Variants in SEMA5A observed in about 807,000 individuals in gnomAD.
The protein encoded by SEMA5A is semaphorin-5A.
SEMA5A carries 55 observed loss-of-function variants against 135.5 expected under a neutral mutation model. That is an observed-to-expected ratio of 0.41 (90% CI 0.33 to 0.51). The LOEUF (loss-of-function observed/expected upper bound fraction) is 0.51. SEMA5A is among the 20% of genes least tolerant of loss of function. The probability of loss-of-function intolerance (pLI) is 0.37; values close to 1 mark genes in which losing one functional copy is unlikely to be tolerated. For missense variants in SEMA5A, 1,290 were observed against 1,419.9 expected (o/e 0.91, Z 1.47); for synonymous variants, 580 against 546.5 (o/e 1.06, Z -0.85).
intron 16 of SEMA5A, among the ~76,000 whole-genome samples, chr5:9,091,126 C>G (rs1325746152): frequency 6.6e-6 from 1 of 152,202 alleles, no homozygotes; most frequent in Non-Finnish European, 1.5e-5. Flanking sequence ...TCAGAGGCCT[C>G]TGCTACACAA....
intron 2 of SEMA5A, among the ~76,000 whole-genome samples, chr5:9,390,584 C>T (rs1209873437): frequency 1.3e-5 from 2 of 152,030 alleles, no homozygotes; most frequent in Non-Finnish European, 2.9e-5. Context: ...TCAGGAATAA[C>T]ACGGTGTATA....
At chr5:9,229,248 G>A (rs1042817992) in intron 6 of SEMA5A, among the ~76,000 whole-genome samples, 1 of 152,208 alleles carries the variant, frequency 6.6e-6, no homozygotes, top group Non-Finnish European at 1.5e-5. Flanking sequence ...ATTACCAAAT[G>A]CTCGTAAACA....
Position 9,154,625 on chromosome 5 carries a change from A to G in SEMA5A, c.1344T>C (p.Ile448=), listed in dbSNP as rs200164050. The G allele has an allele frequency of 2.4e-5, 38 of 1,614,092 alleles. No homozygotes were observed. The East Asian group carries it at 6.7e-4, about 28-fold the overall frequency. ...CCCTCCGCCTCTCAGGGAAGAGCTC[A>G]ATCTCTTCCAGCAAACAGCTGCTTG... ...QTSSSCLLEE[I]ELFPERRREP... The change falls in exon 12 of 23, where the codon ATT becomes ATC. Residue 448 remains isoleucine, a synonymous_variant. Transcript: ENST00000382496.
intron 16 of SEMA5A, among the ~76,000 whole-genome samples, chr5:9,084,147 C>A (rs187321041): frequency 6.6e-6 from 1 of 152,100 alleles, no homozygotes; most frequent in African/African-American, 2.4e-5. Flanking sequence ...TAGTTGGATG[C>A]AAATGTTATT....
chr5:9,346,912 G>GTATATATATATATATA (rs774727307), intron 3 of SEMA5A, among the ~76,000 whole-genome samples: 11 of 150,086 alleles, frequency 7.3e-5, no homozygotes, highest in African/African-American at 2.5e-4. Flanking sequence ...GTGTGTGTGT[G>GTATATATATATATATA]TGTATATATA....
At chr5:9,456,052 C>T (rs1230904636) in intron 1 of SEMA5A, among the ~76,000 whole-genome samples, 6 of 152,168 alleles carry the variant, frequency 3.9e-5, no homozygotes, top group African/African-American at 9.7e-5. Context: ...CAAGTCTCTG[C>T]CAAAGACAGA....
In SEMA5A at chr5:9,226,979, T is replaced by A. The variant is rs756124150; in HGVS notation, c.334-12A>T. ...TTCTGACATTCCTCCTGAGGGAAAA[T>A]AAATAAATTAATTAAAAATATATAT... is the stretch of plus-strand genomic sequence containing the variant. On this transcript the variant is annotated splice_polypyrimidine_tract_variant and intron_variant, in intron 6 of 22. Coordinates refer to ENST00000382496, the MANE Select transcript of SEMA5A (RefSeq NM_003966.3). 4 of 1,394,288 alleles carry A rather than the reference T, an allele frequency of 2.9e-6. No homozygotes were observed. Among genetic ancestry groups the A allele is most frequent in the Non-Finnish European group, 3.8e-6 (4 of 1,048,984 alleles). 86.4% of individuals were successfully genotyped at this position (1,394,288 alleles called of 1,614,324 possible).
intron 8 of SEMA5A, among the ~76,000 whole-genome samples, chr5:9,210,167 C>T (rs929587840): frequency 1.3e-5 from 2 of 152,168 alleles, no homozygotes; most frequent in Non-Finnish European, 2.9e-5. Flanking sequence ...AAGATTTACT[C>T]ATCCCTTTTC....
At chr5:9,173,744 C>CT (rs2150312361) in intron 11 of SEMA5A, among the ~76,000 whole-genome samples, 1 of 152,296 alleles carries the variant, frequency 6.6e-6, no homozygotes, top group Admixed American at 6.5e-5. Context: ...TGACAGGCTC[C>CT]TTTGATTCTT....
chr5:9,324,409 T>C (rs575502547), intron 4 of SEMA5A, among the ~76,000 whole-genome samples: 150 of 152,342 alleles, frequency 9.8e-4, no homozygotes, highest in African/African-American at 3.5e-3. Flanking sequence ...AAAACATTTG[T>C]GGAATTCCCT....
At chr5:9,493,935 G>C (rs189428296) in intron 1 of SEMA5A, among the ~76,000 whole-genome samples, 13 of 152,212 alleles carry the variant, frequency 8.5e-5, no homozygotes, top group Admixed American at 8.5e-4. Flanking sequence ...AAGAATGTAA[G>C]GTTACCATAA....
At chr5:9,065,199 C>A (rs1364448126) in intron 17 of SEMA5A, among the ~76,000 whole-genome samples, 1 of 152,108 alleles carries the variant, frequency 6.6e-6, no homozygotes, top group African/African-American at 2.4e-5. Flanking sequence ...TCAGTGAGAG[C>A]AATAGGATGA....
chr5:9,287,799 G>T (rs1345155968), intron 5 of SEMA5A, among the ~76,000 whole-genome samples: 1 of 152,122 alleles, frequency 6.6e-6, no homozygotes, highest in East Asian at 1.9e-4. Context: ...TTACTATCTG[G>T]CCCTGTACAG....
chr5:9,334,818 T>C (rs139044876), intron 4 of SEMA5A, among the ~76,000 whole-genome samples: 3 of 152,344 alleles, frequency 2.0e-5, no homozygotes, highest in African/African-American at 7.2e-5. Context: ...TAAAAGGTTG[T>C]TATTTGGAAT....
chr5:9,491,869 G>A (rs1037729129), intron 1 of SEMA5A, among the ~76,000 whole-genome samples: 3 of 152,152 alleles, frequency 2.0e-5, no homozygotes, highest in African/African-American at 7.2e-5. Flanking sequence ...TTGTAAGAAG[G>A]AACCACAGAT....
chr5:9,331,914 A>G lies in SEMA5A; in HGVS notation c.224+5799T>C, dbSNP rs965355644. On this transcript the variant is annotated intron_variant, in intron 4 of 22. Transcript: ENST00000382496. ...TGGTTCAAAATAATAAACGAAAAGGATCAGAAATCCATACTATTTGTTGCA... is the reference window on the plus strand; with the variant it reads ...TGGTTCAAAATAATAAACGAAAAGGGTCAGAAATCCATACTATTTGTTGCA... 2.6e-4 allele frequency among the ~76,000 whole-genome samples: 39 copies of G among 152,276 alleles called. 1 individual carries two copies. The highest frequency in any genetic ancestry group is 9.2e-4 in the African/African-American group (38 of 41,474).
intron 1 of SEMA5A, among the ~76,000 whole-genome samples, chr5:9,527,230 C>T (rs1471790329): frequency 6.6e-6 from 1 of 152,122 alleles, no homozygotes; most frequent in African/African-American, 2.4e-5. Flanking sequence ...CCTCAGAGCA[C>T]AAGCCCTTCT....
chr5:9,184,363 A>G (rs1183500489), intron 11 of SEMA5A, among the ~76,000 whole-genome samples: 1 of 152,084 alleles, frequency 6.6e-6, no homozygotes, highest in African/African-American at 2.4e-5. Context: ...GCACAAATAC[A>G]GTATGCTTTG....
chr5:9,053,972 G>A (rs1473782419), intron 19 of SEMA5A, 115 bp downstream of exon 19: 6 of 1,217,052 alleles, frequency 4.9e-6, no homozygotes, highest in Non-Finnish European at 6.8e-6. Context: ...TTGCTAACTT[G>A]CCCACCCCCC....
Sources: allele counts gnomAD v4.1 joint callset (sites outside exome capture counted in the v4.1 genomes callset), GRCh38; gene constraint gnomAD v4.1.1; transcripts MANE v1.5; gene names NCBI Gene and HGNC (gene_info 2026-07-23, HGNC 2026-07-21).